The following DYNC2H1 variants were observed in gnomAD, a reference collection of about 807,000 sequenced individuals.
DYNC2H1 encodes dynein cytoplasmic 2 heavy chain 1.
Under a neutral mutation model 570.0 loss-of-function variants are expected in DYNC2H1, and 410 were observed. The observed-to-expected ratio is 0.72, with a 90% CI of 0.66 to 0.78. DYNC2H1 has a LOEUF of 0.78. Among genes scored for constraint, DYNC2H1 ranks in the 30% least tolerant of loss-of-function variants. The pLI, the probability that DYNC2H1 is intolerant of heterozygous loss-of-function variation, is 0.00. For missense variants in DYNC2H1, 4,865 were observed against 5,046.4 expected (o/e 0.96, Z 1.09); for synonymous variants, 1,688 against 1,677.6 (o/e 1.01, Z -0.15).
At chr11:103,176,663 C>T (rs1482702259) in intron 37 of DYNC2H1, among the ~76,000 whole-genome samples, 1 of 152,130 alleles carries the variant, frequency 6.6e-6, no homozygotes, top group East Asian at 1.9e-4. Flanking sequence ...TCTCCTCCAC[C>T]ATAAAGTAAT....
At position 103,395,470 on chromosome 11, in the gene DYNC2H1, CAT is replaced by C. The variant is rs769932589; in HGVS notation, c.12157-4184_12157-4183del. 7.8e-4 allele frequency among the ~76,000 whole-genome samples: 108 copies of C among 139,002 alleles called. 1 individual carries two copies. The highest frequency in any genetic ancestry group is 8.8e-4 in the Non-Finnish European group (57 of 64,616). The allele number at this position is 139,002 out of a possible 152,430, so 91.2% of individuals were successfully genotyped here. Reference sequence around the variant, plus strand: ...TTGTATCACTGATATACATATATATCATATATATATTTATGTATATGTACACA... The same window carrying C: ...TTGTATCACTGATATACATATATATCATATATATTTATGTATATGTACACA... On this transcript the variant is annotated intron_variant, in intron 83 of 88. Transcript: ENST00000375735. The surrounding 1 kb of genome is among the most constrained non-coding windows in gnomAD (Gnocchi z 4.3).
rs754992280 is a variant in DYNC2H1, at chr11:103,125,200, C to A, written c.1762C>A (p.Gln588Lys). 4.3e-6 allele frequency: 7 copies of A among 1,613,590 alleles called. No homozygotes were observed. In the East Asian group the frequency reaches 1.6e-4, roughly 36 times the overall value. ...GGTGATTCTTCTGAGAGAAGTTCGT[C>A]AGCTCTCTGCACTTGGCTTTGTTAT... The part of the protein sequence containing the change: ...RLVILLREVR[Q>K]LSALGFVIPA... The change falls in exon 12 of 89, where the codon CAG becomes AAG. Residue 588 changes from glutamine (Q) to lysine (K), a missense_variant. Physicochemically the swap from Gln to Lys is moderately conservative, Grantham distance 53. This residue lies in a region of DYNC2H1 where 1,936 missense variants were observed against 1,962.1 expected (regional missense o/e 0.99). Transcript: ENST00000375735.
In DYNC2H1 at chr11:103,439,800, A is replaced by G. The variant is rs560723655; in HGVS notation, c.12456+3768A>G. Among the ~76,000 whole-genome samples, 15 of 152,248 alleles carry G rather than the reference A, an allele frequency of 9.9e-5. No individual in the cohort carries two copies. The Middle Eastern group carries it at 0.01, about 104-fold the overall frequency. ...GTCTGCTGAATGAATGAATGAACAAAGGAATTAACAAATGAATGGACTGGA... is the reference window on the plus strand; with the variant it reads ...GTCTGCTGAATGAATGAATGAACAAGGGAATTAACAAATGAATGGACTGGA... On this transcript the variant is annotated intron_variant, in intron 85 of 88. Coordinates refer to ENST00000375735, the MANE Select transcript of DYNC2H1 (RefSeq NM_001377.3). The surrounding 1 kb of genome is among the most constrained non-coding windows in gnomAD (Gnocchi z 4.1).
chr11:103,266,719 T>C (rs1303087083), intron 70 of DYNC2H1, among the ~76,000 whole-genome samples: 2 of 152,116 alleles, frequency 1.3e-5, no homozygotes, highest in Non-Finnish European at 2.9e-5. Context: ...TGCACAGCTA[T>C]GGAGACAGCT....
At position 103,109,463 on chromosome 11, in the gene DYNC2H1, C is replaced by A. The variant is rs1858003057; in HGVS notation, c.-112C>A. Reference sequence around the variant, plus strand: ...CCTGGCAACCGCGAAGCTCTGCGGTCCCGCGGTCGGGCTACGGGTTTGAGC... The same window carrying A: ...CCTGGCAACCGCGAAGCTCTGCGGTACCGCGGTCGGGCTACGGGTTTGAGC... On this transcript the variant is annotated 5_prime_UTR_variant, in exon 1 of 89. Transcript: ENST00000375735. 1.9e-6 allele frequency: 2 copies of A among 1,069,376 alleles called. No homozygotes were observed. Among genetic ancestry groups the A allele is most frequent in the South Asian group, 1.8e-5 (1 of 55,642 alleles). The allele number at this position is 1,069,376 out of a possible 1,614,324, so 66.2% of individuals were successfully genotyped here.
rs772172383 is a variant in DYNC2H1 at position 103,117,759 on chromosome 11, A to G, written c.895A>G (p.Asn299Asp). Residue 299 changes from asparagine to aspartate, a missense_variant, in exon 6 of 89, where the codon AAT (asparagine) becomes GAT (aspartate). Coordinates refer to ENST00000375735, the MANE Select transcript of DYNC2H1 (RefSeq NM_001377.3). ...SICEQWVIVC[N>D]HLTGQVWQRY... The stretch of plus-strand genomic sequence containing the variant: ...TTGTGAACAGTGGGTGATAGTCTGT[A>G]ATCATCTAACAGGTCAGGTGTGGCA... 1.2e-6 allele frequency: 2 copies of G among 1,613,580 alleles called. No homozygotes were observed. Among genetic ancestry groups the G allele is most frequent in the Non-Finnish European group, 1.7e-6 (2 of 1,179,608 alleles).
chr11:103,303,149 C>G lies in DYNC2H1; in HGVS notation c.11152C>G (p.Leu3718Val). ...LNLKRLYKET[L>V]EIEPILIIIS... ...TCTCAAACGTTTATACAAAGAGACACTGGAAATTGAACCCATCTTGATAAT... is the reference window on the plus strand; with the variant it reads ...TCTCAAACGTTTATACAAAGAGACAGTGGAAATTGAACCCATCTTGATAAT... Residue 3718 changes from leucine (L) to valine (V), a missense_variant, in exon 76 of 89, where the codon CTG becomes GTG. Leu to Val is a conservative substitution (Grantham distance 32, BLOSUM62 1). Coordinates refer to ENST00000375735, the MANE Select transcript of DYNC2H1 (RefSeq NM_001377.3). The G allele has an allele frequency of 1.2e-6, 2 of 1,611,574 alleles. No individual in the cohort carries two copies. Among genetic ancestry groups the G allele is most frequent in the Non-Finnish European group, 1.7e-6 (2 of 1,178,508 alleles).
Position 103,435,867 on chromosome 11 carries a change from A to T in DYNC2H1, c.12367-76A>T, listed in dbSNP as rs1944042256. 6 of 1,476,336 alleles carry T rather than the reference A, an allele frequency of 4.1e-6. No homozygotes were observed. The South Asian group carries it at 7.3e-5, about 18-fold the overall frequency. The allele number at this position is 1,476,336 out of a possible 1,614,324, so 91.5% of individuals were successfully genotyped here. ...GTGAATTATGCCAAAATTTTTCTCC[A>T]TCACACTAGTGTTAGTAGTCTTCTA... On this transcript the variant is annotated intron_variant, in intron 84 of 88. Coordinates refer to ENST00000375735, the MANE Select transcript of DYNC2H1 (RefSeq NM_001377.3).
At chr11:103,393,237 A>G (rs1451986190) in intron 83 of DYNC2H1, among the ~76,000 whole-genome samples, 2 of 152,204 alleles carry the variant, frequency 1.3e-5, no homozygotes, top group Admixed American at 6.5e-5. Flanking sequence ...TGCCTGACAC[A>G]TAGTCAGTAC....
At chr11:103,146,136 T>C (rs975342260) in intron 18 of DYNC2H1, among the ~76,000 whole-genome samples, 3 of 152,146 alleles carry the variant, frequency 2.0e-5, no homozygotes, top group African/African-American at 4.8e-5. Context: ...TTTAAACTTA[T>C]CCAGCTAGTA....
intron 83 of DYNC2H1, among the ~76,000 whole-genome samples, chr11:103,361,732 T>C (rs961175986): frequency 5.3e-5 from 8 of 152,000 alleles, no homozygotes; most frequent in African/African-American, 1.9e-4. Context: ...TGTCAAAATG[T>C]AGAGTTATTA....
Position 103,363,051 on chromosome 11 carries a change from T to G in DYNC2H1, c.12156+4692T>G, listed in dbSNP as rs1436299658. Reference sequence around the variant, plus strand: ...GTCTCAAAATAAATAAATAAATAAATAATATAATATAATATAACAGGCATT... The same window carrying G: ...GTCTCAAAATAAATAAATAAATAAAGAATATAATATAATATAACAGGCATT... On this transcript the variant is annotated intron_variant, in intron 83 of 88. Coordinates refer to ENST00000375735, the MANE Select transcript of DYNC2H1 (RefSeq NM_001377.3). This position sits in a 1 kb window ranked among gnomAD's most constrained non-coding sequence, Gnocchi z 5.6. Among the ~76,000 whole-genome samples, 3 of 151,396 alleles carry G rather than the reference T, an allele frequency of 2.0e-5. No homozygotes were observed. The highest frequency in any genetic ancestry group is 2.0e-4 in the Admixed American group (3 of 15,166).
intron 83 of DYNC2H1, among the ~76,000 whole-genome samples, chr11:103,377,459 T>A (rs1941439355): frequency 6.6e-6 from 1 of 152,072 alleles, no homozygotes; most frequent in Non-Finnish European, 1.5e-5. Flanking sequence ...ATAAGAGAGA[T>A]TAGACTATCG....
rs1206066321 is a variant in DYNC2H1 at position 103,268,205 on chromosome 11, A to G, written c.10695+8228A>G. On this transcript the variant is annotated intron_variant, in intron 70 of 88. Coordinates refer to ENST00000375735, the MANE Select transcript of DYNC2H1 (RefSeq NM_001377.3). The surrounding 1 kb of genome is among the most constrained non-coding windows in gnomAD (Gnocchi z 4.6). ...TTTACCAGTTAATATCTCTACCCAC[A>G]TAATAATAAAGGTATATCTTTATCT... 6.6e-6 allele frequency among the ~76,000 whole-genome samples: 1 copy of G among 152,076 alleles called. No homozygotes were observed. The highest frequency in any genetic ancestry group is 1.5e-5 in the Non-Finnish European group (1 of 67,932).
chr11:103,358,943 A>G (rs1447862342), intron 83 of DYNC2H1, among the ~76,000 whole-genome samples: 1 of 152,222 alleles, frequency 6.6e-6, no homozygotes, highest in African/African-American at 2.4e-5. Context: ...CAGAAAACCA[A>G]TGGCAAAAGT....
In DYNC2H1 at chr11:103,246,192, A is replaced by G. The variant is rs887744191; in HGVS notation, c.10042+818A>G. On this transcript the variant is annotated intron_variant, in intron 65 of 88. Transcript: ENST00000375735. ...GGAATATCTAAGCTACTGTATAACAACAGAAGCTTGTAATCAAGAAAGTGA... is the reference window on the plus strand; with the variant it reads ...GGAATATCTAAGCTACTGTATAACAGCAGAAGCTTGTAATCAAGAAAGTGA... Among the ~76,000 whole-genome samples, 18 of 152,196 alleles carry G rather than the reference A, an allele frequency of 1.2e-4. No homozygotes were observed. The East Asian group carries it at 3.3e-3, about 28-fold the overall frequency.
intron 84 of DYNC2H1, among the ~76,000 whole-genome samples, chr11:103,420,497 A>G (rs186082713): frequency 6.6e-6 from 1 of 152,178 alleles, no homozygotes; most frequent in Non-Finnish European, 1.5e-5. Flanking sequence ...CGTCACTCAC[A>G]AAGGGAAGCC....
intron 45 of DYNC2H1, among the ~76,000 whole-genome samples, chr11:103,191,185 A>G (rs1175067702): frequency 6.6e-6 from 1 of 151,528 alleles, no homozygotes; most frequent in Admixed American, 6.6e-5. Flanking sequence ...GACTACAAGC[A>G]TGTGCCACCA....
chr11:103,273,519 A>G (rs183578148), intron 70 of DYNC2H1, among the ~76,000 whole-genome samples: 49 of 152,214 alleles, frequency 3.2e-4, no homozygotes, highest in Admixed American at 5.9e-4. Context: ...ATTTTAATTC[A>G]GTTTAACTGG....
Sources: allele counts gnomAD v4.1 joint callset (sites outside exome capture counted in the v4.1 genomes callset), GRCh38; gene constraint gnomAD v4.1.1; regional missense constraint gnomAD v4.1.1; non-coding constraint Gnocchi (gnomAD v3.1); transcripts MANE v1.5; gene names NCBI Gene and HGNC (gene_info 2026-07-23, HGNC 2026-07-21).